SGO2: variants seen among roughly 807,000 people sequenced by gnomAD.
SGO2 encodes shugoshin-like 2.
Under a neutral mutation model 99.5 loss-of-function variants are expected in SGO2, and 68 were observed. The observed-to-expected ratio is 0.68, with a 90% CI of 0.56 to 0.84. The LOEUF (loss-of-function observed/expected upper bound fraction) is 0.84. Ranked by LOEUF, SGO2 falls within the 40% of genes least tolerant of loss-of-function variation. The pLI is 0.00. For synonymous variants in SGO2, 457 were observed against 487.1 expected (o/e 0.94, Z 0.81); for missense variants, 1,350 against 1,436.7 (o/e 0.94, Z 0.97).
chr2:200,566,321 T>A (rs2033185863), intron 5 of SGO2, among the ~76,000 whole-genome samples: 1 of 152,110 alleles, frequency 6.6e-6, no homozygotes, highest in South Asian at 2.1e-4. Flanking sequence ...TCTGTTGGAG[T>A]ATGCTGGAGG....
chr2:200,530,430 T>C (rs1305405588), intron 1 of SGO2, among the ~76,000 whole-genome samples: 1 of 152,198 alleles, frequency 6.6e-6, no homozygotes, highest in Non-Finnish European at 1.5e-5. Context: ...GCATCTACTT[T>C]AGTTATTAAA....
chr2:200,549,965 A>G (rs559612372), intron 5 of SGO2, among the ~76,000 whole-genome samples: 78 of 152,282 alleles, frequency 5.1e-4, no homozygotes, highest in African/African-American at 1.6e-3. Context: ...TCTTATAAAG[A>G]CTCCACTGAA....
chr2:200,574,865 AT>A (rs1285213970), intron 7 of SGO2, among the ~76,000 whole-genome samples: 7 of 152,016 alleles, frequency 4.6e-5, no homozygotes, highest in Non-Finnish European at 8.8e-5. Flanking sequence ...CTGGGAGCCT[AT>A]TATTTCAATA....
chr2:200,572,075 G>C lies in SGO2; in HGVS notation c.1729G>C (p.Asp577His). 1 of 1,613,434 alleles carries C rather than the reference G, an allele frequency of 6.2e-7. No homozygotes were observed. Residue 577 changes from aspartate (D) to histidine (H), a missense_variant, in exon 7 of 9, where the codon GAT becomes CAT. Physicochemically the swap from Asp to His is moderately conservative, Grantham distance 81. Coordinates refer to ENST00000357799, the MANE Select transcript of SGO2 (RefSeq NM_152524.6). Reference protein sequence around the residue: ...EFHTANLSTKDNGNLCDYGTH... With the variant: ...EFHTANLSTKHNGNLCDYGTH... ...TCACACAGCCAATCTTTCCACCAAA[G>C]ATAATGGAAATTTATGTGATTATGG...
At chr2:200,575,506 C>T in intron 8 of SGO2, 45 bp downstream of exon 8, 1 of 1,438,838 alleles carries the variant, frequency 7.0e-7, no homozygotes, top group Non-Finnish European at 9.3e-7. Flanking sequence ...AAAATATATC[C>T]TTAAAAAAAT....
chr2:200,548,200 A>C (rs750297481), intron 5 of SGO2, among the ~76,000 whole-genome samples: 4 of 151,580 alleles, frequency 2.6e-5, no homozygotes, highest in African/African-American at 9.7e-5. Flanking sequence ...AACACATGGA[A>C]GATTTTTAAG....
chr2:200,542,418 G>T (rs2032005101), intron 4 of SGO2, among the ~76,000 whole-genome samples, 161 bp from the exon 5 acceptor site: 1 of 152,174 alleles, frequency 6.6e-6, no homozygotes, highest in Non-Finnish European at 1.5e-5. Context: ...AGGATGCACT[G>T]TGTTTTAACC....
At chr2:200,579,791 A>T (rs2033778996) in intron 8 of SGO2, among the ~76,000 whole-genome samples, 1 of 152,196 alleles carries the variant, frequency 6.6e-6, no homozygotes, top group Admixed American at 6.5e-5. Context: ...TTATATCAAC[A>T]TTCATAACTG....
chr2:200,549,726 C>T (rs2032381156), intron 5 of SGO2, among the ~76,000 whole-genome samples: 1 of 151,756 alleles, frequency 6.6e-6, no homozygotes, highest in Non-Finnish European at 1.5e-5. Flanking sequence ...AAACACTTAT[C>T]AAAATGGGTA....
intron 5 of SGO2, among the ~76,000 whole-genome samples, chr2:200,544,256 T>G (rs1328557819): frequency 1.3e-5 from 2 of 152,184 alleles, no homozygotes; most frequent in African/African-American, 4.8e-5. Context: ...ATTCTTCTTA[T>G]GGTCAACATT....
At chr2:200,575,268 T>C (rs368620549) in intron 7 of SGO2, 43 bp from the exon 8 acceptor site, 100 of 1,320,996 alleles carry the variant, frequency 7.6e-5, no homozygotes, top group Non-Finnish European at 1.0e-4. Context: ...TGTATCTCTA[T>C]ATACTTTTTA....
chr2:200,573,082 G>T lies in SGO2; in HGVS notation c.2736G>T (p.Trp912Cys), dbSNP rs2033512848. 3 of 1,577,206 alleles carry T rather than the reference G, an allele frequency of 1.9e-6. No homozygotes were observed. The Middle Eastern group carries it at 5.1e-4, about 269-fold the overall frequency. Residue 912 changes from tryptophan to cysteine, a missense_variant, in exon 7 of 9, where the codon TGG becomes TGT. Trp to Cys is a radical substitution (Grantham distance 215). Transcript: ENST00000357799. Reference sequence around the variant, plus strand: ...ATAAGCTCAGGAATAAAGTGAATTGGAAGACAGAAATAATTTCTGAAATGA... The same window carrying T: ...ATAAGCTCAGGAATAAAGTGAATTGTAAGACAGAAATAATTTCTGAAATGA... ...KINKLRNKVNWKTEIISEMNQ... is the reference protein window; with the variant it reads ...KINKLRNKVNCKTEIISEMNQ...
chr2:200,573,181 A>T lies in SGO2; in HGVS notation c.2835A>T (p.Val945=). The T allele has an allele frequency of 3.2e-6, 5 of 1,581,068 alleles. No homozygotes were observed. The highest frequency in any genetic ancestry group is 3.4e-6 in the Non-Finnish European group (4 of 1,171,128). Residue 945 remains valine (V), a synonymous_variant, in exon 7 of 9, where the codon GTA becomes GTT. Transcript: ENST00000357799. ...ESYTKDLDFK[V]NKSKQKLECQ... ...ATACAAAAGATCTTGATTTTAAAGT[A>T]AATAAATCTAAACAAAAACTTGAAT...
chr2:200,583,425 T>A, intron 8 of SGO2, 24 bp from the exon 9 acceptor site: 1 of 1,575,540 alleles, frequency 6.3e-7, no homozygotes, highest in Non-Finnish European at 8.6e-7. Flanking sequence ...TTGTTATTAA[T>A]CTTCCTTTTT....
intron 3 of SGO2, among the ~76,000 whole-genome samples, chr2:200,535,632 A>G (rs1019220001): frequency 2.0e-5 from 3 of 152,126 alleles, no homozygotes; most frequent in Non-Finnish European, 4.4e-5. Flanking sequence ...AGTGAGAGCC[A>G]ATGATTAGCT....
At position 200,542,574 on chromosome 2, in the gene SGO2, A is replaced by G; in HGVS notation, c.388-5A>G. On this transcript the variant is annotated splice_region_variant and splice_polypyrimidine_tract_variant and intron_variant, in intron 4 of 8. Coordinates refer to ENST00000357799, the MANE Select transcript of SGO2 (RefSeq NM_152524.6). ...CTTTGTTTTCTTTATTTTTTTCAAA[A>G]ATAGTTCCATCAGAGTTCCTTTCTA... 2 of 1,607,948 alleles carry G rather than the reference A, an allele frequency of 1.2e-6. No homozygotes were observed. The highest frequency in any genetic ancestry group is 1.7e-6 in the Non-Finnish European group (2 of 1,177,316).
At chr2:200,550,437 A>G (rs902631265) in intron 5 of SGO2, among the ~76,000 whole-genome samples, 1 of 152,138 alleles carries the variant, frequency 6.6e-6, no homozygotes, top group Non-Finnish European at 1.5e-5. Context: ...ATCACACTAC[A>G]TGACTTCAAA....
chr2:200,543,937 A>G (rs1048875580), intron 5 of SGO2, among the ~76,000 whole-genome samples: 6 of 152,208 alleles, frequency 3.9e-5, no homozygotes, highest in South Asian at 2.1e-4. Flanking sequence ...TGTGTAATGC[A>G]TACCCAGAAC....
At chr2:200,567,433 A>G (rs1225264194) in intron 5 of SGO2, among the ~76,000 whole-genome samples, 1 of 152,142 alleles carries the variant, frequency 6.6e-6, no homozygotes, top group Non-Finnish European at 1.5e-5. Flanking sequence ...ATTTACTTTT[A>G]AAAACATAGA....
Sources: gnomAD v4.1 joint callset for allele counts (sites outside exome capture counted in the v4.1 genomes callset) on GRCh38, gnomAD v4.1.1 for gene constraint, MANE v1.5 for transcripts, NCBI Gene and HGNC (gene_info 2026-07-23, HGNC 2026-07-21) for gene names.